CCDC136: variants seen among roughly 807,000 people sequenced by gnomAD.
CCDC136 encodes coiled-coil domain containing 136.
In CCDC136, 100 loss-of-function variants were observed where a neutral mutation model predicts 141.2. That is an observed-to-expected ratio of 0.71 (90% CI 0.60 to 0.84). CCDC136 has a LOEUF of 0.84. CCDC136 is among the 40% of genes least tolerant of loss of function. The pLI is 0.00. For synonymous variants in CCDC136, 474 were observed against 531.9 expected, an observed-to-expected ratio of 0.89 and a Z score of 1.50; for missense variants, 1,206 against 1,379.4, an observed-to-expected ratio of 0.87 and a Z score of 1.99.
intron 5 of CCDC136, 63 bp downstream of exon 5, chr7:128,804,824 C>T (rs1804585154): frequency 4.6e-6 from 5 of 1,080,380 alleles, no homozygotes; most frequent in African/African-American, 1.6e-5. Flanking sequence ...TTACCTTGGG[C>T]TTTCCCTGAA....
rs1179905439 is a variant in CCDC136 at position 128,817,120 on chromosome 7, A to T, written c.3364-638A>T. Among the ~76,000 whole-genome samples, 1 of 152,282 alleles carries T rather than the reference A, an allele frequency of 6.6e-6. No individual in the cohort carries two copies. The highest frequency in any genetic ancestry group is 2.1e-4 in the South Asian group (1 of 4,820). ...TACTTCAAATATATTCTATGTTTCT[A>T]TATATGGAGAGATCCCTTTGCCCCG... is the stretch of plus-strand genomic sequence containing the variant. On this transcript the variant is annotated intron_variant, in intron 16 of 17. Transcript: ENST00000297788. The surrounding 1 kb of genome is among the most constrained non-coding windows in gnomAD (Gnocchi z 4.6).
rs1213825108 is a variant in CCDC136 at position 128,814,898 on chromosome 7, G to A, written c.3024G>A (p.Glu1008=). 2 of 1,597,268 alleles carry A rather than the reference G, an allele frequency of 1.3e-6. No homozygotes were observed. Among genetic ancestry groups the A allele is most frequent in the African/African-American group, 2.7e-5 (2 of 74,642 alleles). ...CCAAGCCATGCTCGGATACTTCTGA[G>A]AGCGACCTTGAGACCAGAAAGGTGA... ...KVTKPCSDTS[E]SDLETRKSLE... Residue 1008 remains glutamate (E), a synonymous_variant, in exon 15 of 18, where the codon GAG becomes GAA. Coordinates refer to ENST00000297788, the MANE Select transcript of CCDC136 (RefSeq NM_022742.5).
Position 128,815,849 on chromosome 7 carries a change from G to A in CCDC136, c.3281G>A (p.Ser1094Asn), listed in dbSNP as rs576782522. The change falls in exon 16 of 18, where the codon AGT becomes AAT. Residue 1094 changes from serine to asparagine, a missense_variant. Coordinates refer to ENST00000297788, the MANE Select transcript of CCDC136 (RefSeq NM_022742.5). ...DKEEEEKEEDSEEEEDDADSS... is the reference protein window; with the variant it reads ...DKEEEEKEEDNEEEEDDADSS... ...GAGGAAGAGGAGAAGGAAGAAGACA[G>A]TGAAGAGGAGGAGGATGACGCCGAC... 4 of 1,613,606 alleles carry A rather than the reference G, an allele frequency of 2.5e-6. No homozygotes were observed. In the African/African-American group the frequency reaches 5.3e-5, roughly 22 times the overall value.
Position 128,794,600 on chromosome 7 carries a change from A to T in CCDC136, c.269A>T (p.Gln90Leu). The change falls in exon 2 of 18, where the codon CAG becomes CTG. Residue 90 changes from glutamine to leucine, a missense_variant and splice_region_variant. Transcript: ENST00000297788. The surrounding 1 kb of genome is among the most constrained non-coding windows in gnomAD (Gnocchi z 4.3). ...CATGAGGATGACTCCTTGGAGCTAC[A>T]GGGTGAGTGCCTGGGCCAGGGCCCA... ...GQHEDDSLEL[Q>L]GLLEDERLAS... 6.5e-7 allele frequency: 1 copy of T among 1,547,992 alleles called. No individual in the cohort carries two copies. Among genetic ancestry groups the T allele is most frequent in the Non-Finnish European group, 8.7e-7 (1 of 1,144,958 alleles).
intron 10 of CCDC136, 108 bp downstream of exon 10, chr7:128,807,653 AG>A: frequency 3.0e-6 from 2 of 665,644 alleles, no homozygotes; most frequent in Non-Finnish European, 4.5e-6. Context: ...TGGCCTTCCT[AG>A]GCAGGAAGCA....
chr7:128,794,398 G>A lies in CCDC136; in HGVS notation c.67G>A (p.Glu23Lys). 4 of 1,554,430 alleles carry A rather than the reference G, an allele frequency of 2.6e-6. No individual in the cohort carries two copies. In the South Asian group the frequency reaches 4.8e-5, roughly 18 times the overall value. The change falls in exon 2 of 18, where the codon GAG (glutamate) becomes AAG (lysine). Residue 23 changes from glutamate to lysine, a missense_variant. Transcript: ENST00000297788. This position sits in a 1 kb window ranked among gnomAD's most constrained non-coding sequence, Gnocchi z 4.3. ...TGAGGAGGAAGAGGAAGAGGAAGAGGAGGAAGAAGAGGTGGAAGAAGAAGA... is the reference window on the plus strand; with the variant it reads ...TGAGGAGGAAGAGGAAGAGGAAGAGAAGGAAGAAGAGGTGGAAGAAGAAGA... The part of the protein sequence containing the change: ...LYEEEEEEEE[E>K]EEEVEEEEEQ...
intron 17 of CCDC136, among the ~76,000 whole-genome samples, chr7:128,820,119 A>G (rs1246906500): frequency 6.6e-6 from 1 of 152,162 alleles, no homozygotes; most frequent in Non-Finnish European, 1.5e-5. Flanking sequence ...CCACCTTCAC[A>G]TCATCTACAG....
At position 128,817,268 on chromosome 7, in the gene CCDC136, G is replaced by A. The variant is rs1043283406; in HGVS notation, c.3364-490G>A. Among the ~76,000 whole-genome samples, 3 of 152,048 alleles carry A rather than the reference G, an allele frequency of 2.0e-5. No homozygotes were observed. Among genetic ancestry groups the A allele is most frequent in the African/African-American group, 7.2e-5 (3 of 41,390 alleles). ...CCCTTCTCCATTGTCAGTTTGTTTCGGTGCATGTTGTCTTACAATGATATC... is the reference window on the plus strand; with the variant it reads ...CCCTTCTCCATTGTCAGTTTGTTTCAGTGCATGTTGTCTTACAATGATATC... On this transcript the variant is annotated intron_variant, in intron 16 of 17. Coordinates refer to ENST00000297788, the MANE Select transcript of CCDC136 (RefSeq NM_022742.5). The surrounding 1 kb of genome is among the most constrained non-coding windows in gnomAD (Gnocchi z 4.6).
chr7:128,798,697 T>C (rs1002362807), intron 3 of CCDC136, among the ~76,000 whole-genome samples: 29 of 152,098 alleles, frequency 1.9e-4, no homozygotes, highest in Admixed American at 7.2e-4. Flanking sequence ...GCCAGCTTCC[T>C]CTTGTGTCTC....
intron 3 of CCDC136, among the ~76,000 whole-genome samples, chr7:128,796,739 A>ATATATATATTTTTTTTTTTTTT: frequency 8.8e-6 from 1 of 113,376 alleles, no homozygotes; most frequent in Non-Finnish European, 1.7e-5. Flanking sequence ...ATATATATAT[A>ATATATATATTTTTTTTTTTTTT]TTCTTTTTTT....
rs1802708959 is a variant in CCDC136, at chr7:128,794,850, G to A, written c.346+82G>A. On this transcript the variant is annotated intron_variant, in intron 3 of 17. Coordinates refer to ENST00000297788, the MANE Select transcript of CCDC136 (RefSeq NM_022742.5). The surrounding 1 kb of genome is among the most constrained non-coding windows in gnomAD (Gnocchi z 4.3). ...CTTTTTTCCTGAGGGTTTGACTGAA[G>A]CACAGCAGATAAAAATAACCAAATT... 2.8e-6 allele frequency: 3 copies of A among 1,059,774 alleles called. No individual in the cohort carries two copies. The highest frequency in any genetic ancestry group is 4.2e-6 in the Non-Finnish European group (3 of 710,844). The allele number at this position is 1,059,774 out of a possible 1,614,324, so 65.6% of individuals were successfully genotyped here. A position where few individuals can be genotyped will look rare whatever the true frequency, so the allele number is the denominator to read the frequency against.
At chr7:128,807,261 G>A in intron 9 of CCDC136, 99 bp from the exon 10 acceptor site, 1 of 877,744 alleles carries the variant, frequency 1.1e-6, no homozygotes. Context: ...GGGCTGAGAA[G>A]GACAAGGGAA....
In CCDC136 at chr7:128,794,594, A is replaced by G; in HGVS notation, c.263A>G (p.Glu88Gly). The change falls in exon 2 of 18, where the codon GAG becomes GGG. Residue 88 changes from glutamate to glycine, a missense_variant. Transcript: ENST00000297788. This position sits in a 1 kb window ranked among gnomAD's most constrained non-coding sequence, Gnocchi z 4.3. ...LAGQHEDDSLELQGLLEDERL... is the reference protein window; with the variant it reads ...LAGQHEDDSLGLQGLLEDERL... ...GGGCAGCATGAGGATGACTCCTTGG[A>G]GCTACAGGGTGAGTGCCTGGGCCAG... The G allele has an allele frequency of 1.9e-6, 3 of 1,550,586 alleles. No homozygotes were observed. The highest frequency in any genetic ancestry group is 2.6e-6 in the Non-Finnish European group (3 of 1,146,386).
At chr7:128,793,546 T>G (rs58044348) in intron 1 of CCDC136, among the ~76,000 whole-genome samples, 1 of 152,026 alleles carries the variant, frequency 6.6e-6, no homozygotes, top group East Asian at 1.9e-4. Flanking sequence ...ACGGGCAATG[T>G]TTTCTTATTA....
At chr7:128,809,306 A>G (rs1805342531) in intron 10 of CCDC136, 144 bp from the exon 11 acceptor site, 1 of 621,162 alleles carries the variant, frequency 1.6e-6, no homozygotes, top group South Asian at 2.1e-5. Context: ...GCCAGAATGC[A>G]TTGTGGCTTG....
At chr7:128,808,149 A>C (rs1394389692) in intron 10 of CCDC136, among the ~76,000 whole-genome samples, 1 of 152,164 alleles carries the variant, frequency 6.6e-6, no homozygotes, top group African/African-American at 2.4e-5. Context: ...CAATTCTCCT[A>C]TCTCAGCCTC....
In CCDC136 at chr7:128,815,812, G is replaced by C; in HGVS notation, c.3244G>C (p.Glu1082Gln). 6.2e-7 allele frequency: 1 copy of C among 1,606,524 alleles called. No individual in the cohort carries two copies. ...AKSTEDQEEN[E>Q]EDKEEEEKEE... ...ATCCACAGAAGATCAGGAGGAAAAT[G>C]AAGAGGACAAAGAGGAAGAGGAGAA... The change falls in exon 16 of 18, where the codon GAA (glutamate) becomes CAA (glutamine). Residue 1082 changes from glutamate (E) to glutamine (Q), a missense_variant. Physicochemically the swap from Glu to Gln is conservative, Grantham distance 29 (BLOSUM62 2). Coordinates refer to ENST00000297788, the MANE Select transcript of CCDC136 (RefSeq NM_022742.5).
chr7:128,792,731 G>C (rs1802366516), intron 1 of CCDC136, among the ~76,000 whole-genome samples: 1 of 152,186 alleles, frequency 6.6e-6, no homozygotes, highest in South Asian at 2.1e-4. Context: ...TTCAGCAGGG[G>C]GTTTGTCCTC....
At chr7:128,802,533 T>A (rs1242165426) in intron 4 of CCDC136, among the ~76,000 whole-genome samples, 1 of 152,182 alleles carries the variant, frequency 6.6e-6, no homozygotes, top group Non-Finnish European at 1.5e-5. Context: ...GTTATGGTCT[T>A]TCTCTGAGCC....
Sources: gnomAD v4.1 joint callset for allele counts (sites outside exome capture counted in the v4.1 genomes callset) on GRCh38, gnomAD v4.1.1 for gene constraint, Gnocchi (gnomAD v3.1) non-coding constraint, MANE v1.5 for transcripts, NCBI Gene and HGNC (gene_info 2026-07-23, HGNC 2026-07-21) for gene names.